The following ULK4 variants were observed in gnomAD, a reference collection of about 807,000 sequenced individuals.
ULK4 encodes inactive serine/threonine-protein kinase ULK4.
Under a neutral mutation model 160.6 loss-of-function variants are expected in ULK4, and 133 were observed. That is an observed-to-expected ratio of 0.83 (90% CI 0.72 to 0.96). The LOEUF is 0.96. Ranked by LOEUF, ULK4 falls within the 40% of genes least tolerant of loss-of-function variation. ULK4 has a pLI of 0.00. For missense variants in ULK4, 1,580 were observed against 1,499.5 expected (o/e 1.05, Z -0.89); for synonymous variants, 534 against 539.8 (o/e 0.99, Z 0.15).
Position 41,587,567 on chromosome 3 carries a change from G to GA in ULK4, c.3121-21438dup, listed in dbSNP as rs376371266. Among the ~76,000 whole-genome samples the GA allele has an allele frequency of 3.4e-3, 516 of 152,126 alleles. 3 individuals are homozygous for GA. The highest frequency in any genetic ancestry group is 0.012 in the African/African-American group (493 of 41,520). On this transcript the variant is annotated intron_variant, in intron 31 of 36. Coordinates refer to ENST00000301831, the MANE Select transcript of ULK4 (RefSeq NM_017886.4). ...AGAACTATTACCTTATAGGTAATCA[G>GA]AAAAAAGCTATGAAATATTCATTTG...
intron 32 of ULK4, among the ~76,000 whole-genome samples, chr3:41,497,514 A>C (rs1358918248): frequency 6.6e-6 from 1 of 152,170 alleles, no homozygotes; most frequent in Non-Finnish European, 1.5e-5. Context: ...AATTTGGCAA[A>C]ACAAAATGTA....
intron 34 of ULK4, among the ~76,000 whole-genome samples, chr3:41,435,483 C>T (rs1417923012): frequency 6.6e-6 from 1 of 152,220 alleles, no homozygotes; most frequent in Non-Finnish European, 1.5e-5. Flanking sequence ...TCAAGGCTGA[C>T]TGGTTTTACC....
At chr3:41,904,647 G>C (rs1559640691) in intron 12 of ULK4, among the ~76,000 whole-genome samples, 2 of 152,016 alleles carry the variant, frequency 1.3e-5, no homozygotes, top group African/African-American at 4.8e-5. Flanking sequence ...AGCACAGTGA[G>C]ATTTTATTAT....
chr3:41,719,800 C>A (rs2037388088), intron 22 of ULK4, among the ~76,000 whole-genome samples: 2 of 152,176 alleles, frequency 1.3e-5, no homozygotes. Flanking sequence ...CTATTTAAAA[C>A]CCTTCCATGG....
chr3:41,474,804 G>C (rs1172666748), intron 32 of ULK4, among the ~76,000 whole-genome samples: 1 of 134,174 alleles, frequency 7.5e-6, no homozygotes, highest in Non-Finnish European at 1.5e-5. Context: ...CCTTACATCT[G>C]TCAGAATGAT....
In ULK4 at chr3:41,463,193, T is replaced by A; in HGVS notation, c.3287A>T (p.Asp1096Val). ...TGCCATCTCATTGTTGTTTTTATTG[T>A]CCACATCCAAGCACAGTGTGGCAGT... ...TETATLCLDVDNKNNNEMAAP... is the reference protein window; with the variant it reads ...TETATLCLDVVNKNNNEMAAP... The change falls in exon 33 of 37, where the codon GAC becomes GTC. Residue 1096 changes from aspartate (D) to valine (V), a missense_variant. Transcript: ENST00000301831. 1 of 1,613,550 alleles carries A rather than the reference T, an allele frequency of 6.2e-7. No homozygotes were observed. The highest frequency in any genetic ancestry group is 8.5e-7 in the Non-Finnish European group (1 of 1,179,658).
intron 17 of ULK4, among the ~76,000 whole-genome samples, chr3:41,874,150 C>T (rs1361470064): frequency 6.6e-6 from 1 of 152,036 alleles, no homozygotes; most frequent in African/African-American, 2.4e-5. Flanking sequence ...AGGACAATGA[C>T]AGGACTGATT....
intron 32 of ULK4, among the ~76,000 whole-genome samples, chr3:41,506,773 T>TATATATAA (rs1559658132): frequency 0.017 from 336 of 20,106 alleles, 39 homozygotes; most frequent in Non-Finnish European, 0.028. Context: ...TTAAAATATA[T>TATATATAA]ATATATATAT....
chr3:41,959,353 G>A (rs1422980663), intron 1 of ULK4, among the ~76,000 whole-genome samples: 1 of 103,908 alleles, frequency 9.6e-6, no homozygotes, highest in Non-Finnish European at 2.0e-5. Flanking sequence ...AACAGAACAA[G>A]ATTCCATCTC....
chr3:41,453,886 A>T (rs1392357015), intron 34 of ULK4, among the ~76,000 whole-genome samples: 1 of 151,932 alleles, frequency 6.6e-6, no homozygotes, highest in Non-Finnish European at 1.5e-5. Flanking sequence ...AGGGACATGG[A>T]TGAAGCTGGA....
chr3:41,704,511 A>G (rs574251129), intron 27 of ULK4, among the ~76,000 whole-genome samples: 2 of 152,296 alleles, frequency 1.3e-5, no homozygotes, highest in South Asian at 2.1e-4. Flanking sequence ...TCCTTCTCCT[A>G]AAGTCAACAA....
chr3:41,365,196 G>T (rs1466135661), intron 35 of ULK4, among the ~76,000 whole-genome samples: 1 of 152,072 alleles, frequency 6.6e-6, no homozygotes, highest in East Asian at 1.9e-4. Context: ...GTCTTACCAG[G>T]GCATGCCATG....
intron 5 of ULK4, among the ~76,000 whole-genome samples, chr3:41,920,478 T>C (rs1296372695): frequency 6.6e-6 from 1 of 152,158 alleles, no homozygotes; most frequent in Non-Finnish European, 1.5e-5. Flanking sequence ...AAATCCCATA[T>C]TTTAGAGCCA....
chr3:41,945,948 A>T (rs538665965), intron 2 of ULK4, among the ~76,000 whole-genome samples: 1 of 152,284 alleles, frequency 6.6e-6, no homozygotes, highest in South Asian at 2.1e-4. Context: ...CAGACTCTTC[A>T]TTCATAGAAA....
At chr3:41,522,903 TTTTG>T (rs889443468) in intron 32 of ULK4, among the ~76,000 whole-genome samples, 1 of 151,812 alleles carries the variant, frequency 6.6e-6, no homozygotes, top group African/African-American at 2.4e-5. Context: ...ATCAAGGTAT[TTTTG>T]TTTGTTTTGT....
chr3:41,901,523 C>CAG, intron 12 of ULK4, among the ~76,000 whole-genome samples: 1 of 91,724 alleles, frequency 1.1e-5, no homozygotes, highest in Non-Finnish European at 2.3e-5. Flanking sequence ...CTCCATCACA[C>CAG]AGGCTGGAAT....
intron 19 of ULK4, among the ~76,000 whole-genome samples, chr3:41,803,901 T>C (rs1490947774): frequency 6.6e-6 from 1 of 152,242 alleles, no homozygotes; most frequent in African/African-American, 2.4e-5. Context: ...GACATTTGGA[T>C]TGGTTCCAAG....
At chr3:41,475,928 C>T (rs1188343062) in intron 32 of ULK4, among the ~76,000 whole-genome samples, 1 of 137,438 alleles carries the variant, frequency 7.3e-6, no homozygotes, top group Non-Finnish European at 1.5e-5. Context: ...AGGGAAGGAG[C>T]GAAGGAAGGA....
intron 32 of ULK4, among the ~76,000 whole-genome samples, chr3:41,548,688 C>A (rs2125962447): frequency 6.7e-6 from 1 of 149,286 alleles, no homozygotes; most frequent in Middle Eastern, 3.4e-3. Flanking sequence ...CTACTGCCAC[C>A]TCCAGGACCT....
Sources: gnomAD v4.1 joint callset for allele counts (sites outside exome capture counted in the v4.1 genomes callset) on GRCh38, gnomAD v4.1.1 for gene constraint, MANE v1.5 for transcripts, NCBI Gene and HGNC (gene_info 2026-07-23, HGNC 2026-07-21) for gene names.